The following CHRM5 variants were observed in gnomAD, a reference collection of about 807,000 sequenced individuals.
The protein encoded by CHRM5 is cholinergic receptor muscarinic 5, also known as muscarinic acetylcholine receptor M5.
Under a neutral mutation model 39.0 loss-of-function variants are expected in CHRM5, and 18 were observed. The observed-to-expected ratio is 0.46, with a 90% CI of 0.32 to 0.68. The LOEUF (loss-of-function observed/expected upper bound fraction) is 0.68, where lower values mean the gene tolerates loss of function less well. Among genes scored for constraint, CHRM5 ranks in the 30% least tolerant of loss-of-function variants. CHRM5 has a pLI of 0.04. For missense variants in CHRM5, 515 were observed against 651.1 expected, an observed-to-expected ratio of 0.79 and a Z score of 2.28; for synonymous variants, 241 against 246.3, an observed-to-expected ratio of 0.98 and a Z score of 0.20.
At chr15:34,003,153 A>G in intron 1 of CHRM5, 1 of 1,613,836 alleles carries the variant, frequency 6.2e-7, no homozygotes, top group South Asian at 1.1e-5. Flanking sequence ...TTTTAGAATA[A>G]TTTCCCTGTT....
At chr15:34,007,611 A>C in intron 1 of CHRM5, among the ~76,000 whole-genome samples, 1 of 152,188 alleles carries the variant, frequency 6.6e-6, no homozygotes, top group East Asian at 1.9e-4. Context: ...CTCACTACAC[A>C]ATTCCAAAGC....
chr15:34,058,139 A>G (rs1900221207), intron 2 of CHRM5, among the ~76,000 whole-genome samples: 1 of 152,050 alleles, frequency 6.6e-6, no homozygotes, highest in African/African-American at 2.4e-5. Context: ...AACCCCTTCA[A>G]ATGATCGAAT....
chr15:34,050,768 T>C (rs148164796), intron 2 of CHRM5, among the ~76,000 whole-genome samples: 2,142 of 152,312 alleles, frequency 0.014, 63 homozygotes, highest in African/African-American at 0.048. Context: ...CATTACATAA[T>C]GGTAAAGGGT....
chr15:34,057,862 C>A (rs1458300907), intron 2 of CHRM5, among the ~76,000 whole-genome samples: 2 of 152,082 alleles, frequency 1.3e-5, no homozygotes, highest in Non-Finnish European at 2.9e-5. Context: ...CTGACCAATG[C>A]CAAATTGTGA....
chr15:34,059,745 C>A (rs1900275349), intron 2 of CHRM5, among the ~76,000 whole-genome samples: 1 of 148,580 alleles, frequency 6.7e-6, no homozygotes, highest in South Asian at 2.2e-4. Flanking sequence ...TGACTTCATT[C>A]TTCAAGTCTC....
intron 2 of CHRM5, among the ~76,000 whole-genome samples, chr15:34,047,799 AGT>A (rs1899766363): frequency 6.6e-6 from 1 of 151,684 alleles, no homozygotes; most frequent in African/African-American, 2.4e-5. Flanking sequence ...CCCAGGCTGG[AGT>A]GCAATGGCGC....
chr15:33,978,969 T>TA (rs563614866), intron 1 of CHRM5, among the ~76,000 whole-genome samples: 68 of 151,976 alleles, frequency 4.5e-4, no homozygotes, highest in African/African-American at 1.3e-3. Context: ...ACAAGATAAA[T>TA]AAAAAAACAG....
intron 1 of CHRM5, among the ~76,000 whole-genome samples, chr15:34,024,167 T>C (rs981705159): frequency 2.6e-5 from 4 of 152,160 alleles, no homozygotes; most frequent in Admixed American, 6.5e-5. Context: ...GCTTGGATTA[T>C]AGCAGTGAAC....
At chr15:34,006,750 G>A (rs1897364579) in intron 1 of CHRM5, among the ~76,000 whole-genome samples, 1 of 152,182 alleles carries the variant, frequency 6.6e-6, no homozygotes, top group African/African-American at 2.4e-5. Flanking sequence ...CAGAGACAGA[G>A]TTGTCATTAG....
chr15:33,974,734 A>T (rs1895806719), intron 1 of CHRM5, among the ~76,000 whole-genome samples: 1 of 152,172 alleles, frequency 6.6e-6, no homozygotes, highest in African/African-American at 2.4e-5. Context: ...GCACTTTGGG[A>T]GGCCGAGGCA....
At chr15:34,013,248 G>C (rs1897716402) in intron 1 of CHRM5, among the ~76,000 whole-genome samples, 1 of 152,146 alleles carries the variant, frequency 6.6e-6, no homozygotes, top group South Asian at 2.1e-4. Context: ...TTTTAGCAGA[G>C]GTGGGGTTTC....
intron 1 of CHRM5, among the ~76,000 whole-genome samples, chr15:34,008,975 C>CACAGAG (rs1165303065): frequency 6.7e-6 from 1 of 150,108 alleles, no homozygotes; most frequent in African/African-American, 2.4e-5. Context: ...CACACACACA[C>CACAGAG]AGACCATCGA....
intron 1 of CHRM5, among the ~76,000 whole-genome samples, chr15:34,007,897 T>A (rs1409954439): frequency 6.6e-6 from 1 of 152,188 alleles, no homozygotes; most frequent in African/African-American, 2.4e-5. Context: ...CATTTTCACA[T>A]GGCATTTTCT....
At chr15:34,002,227 G>A (rs604041) in intron 1 of CHRM5, among the ~76,000 whole-genome samples, 76,784 of 151,914 alleles carry the variant, frequency 0.51, 21,817 homozygotes, top group Non-Finnish European at 0.63. Context: ...TATCACCTGC[G>A]TAGGTTCGTG....
At chr15:34,018,860 A>T (rs1226259501) in intron 1 of CHRM5, among the ~76,000 whole-genome samples, 2 of 89,518 alleles carry the variant, frequency 2.2e-5, no homozygotes, top group East Asian at 2.6e-4. Context: ...CAGAGTGCTG[A>T]TCAGTGCATT....
chr15:34,046,095 T>C (rs1899671451), intron 1 of CHRM5, among the ~76,000 whole-genome samples: 2 of 152,240 alleles, frequency 1.3e-5, no homozygotes, highest in East Asian at 1.9e-4. Flanking sequence ...TAACCACTTA[T>C]ATTTCATTTG....
chr15:34,010,356 G>T (rs919114914), intron 1 of CHRM5, among the ~76,000 whole-genome samples: 1 of 152,094 alleles, frequency 6.6e-6, no homozygotes, highest in Non-Finnish European at 1.5e-5. Context: ...GTTGCCAAGA[G>T]AATACTTACA....
chr15:33,987,799 A>T (rs1223185024), intron 1 of CHRM5, among the ~76,000 whole-genome samples: 1 of 152,192 alleles, frequency 6.6e-6, no homozygotes, highest in Non-Finnish European at 1.5e-5. Context: ...ATTCATAATC[A>T]GCGCTGCATG....
chr15:33,986,867 C>T (rs1163654474), intron 1 of CHRM5, among the ~76,000 whole-genome samples: 1 of 152,104 alleles, frequency 6.6e-6, no homozygotes, highest in African/African-American at 2.4e-5. Context: ...CCATGTTAGC[C>T]AGGATGGTCT....
Sources: allele counts gnomAD v4.1 joint callset (sites outside exome capture counted in the v4.1 genomes callset), GRCh38; gene constraint gnomAD v4.1.1; transcripts MANE v1.5; gene names NCBI Gene and HGNC (gene_info 2026-07-23, HGNC 2026-07-21).